DNAH3: variants seen among roughly 807,000 people sequenced by gnomAD.
The protein encoded by DNAH3 is dynein axonemal heavy chain 3.
Under a neutral mutation model 432.5 loss-of-function variants are expected in DNAH3, and 332 were observed. That is an observed-to-expected ratio of 0.77 (90% confidence interval 0.70 to 0.84). The LOEUF (loss-of-function observed/expected upper bound fraction) is 0.84, where lower values mean the gene tolerates loss of function less well. DNAH3 is among the 40% of genes least tolerant of loss of function. The pLI, the probability that DNAH3 is intolerant of heterozygous loss-of-function variation, is 0.00. For synonymous variants in DNAH3, 1,956 were observed against 1,900.2 expected, an observed-to-expected ratio of 1.03 and a Z score of -0.76; for missense variants, 4,861 against 5,114.0, an observed-to-expected ratio of 0.95 and a Z score of 1.51.
At chr16:21,029,385 T>C (rs1393295824) in intron 37 of DNAH3, among the ~76,000 whole-genome samples, 2 of 152,230 alleles carry the variant, frequency 1.3e-5, no homozygotes, top group Non-Finnish European at 2.9e-5. Context: ...AATTCTTCCT[T>C]GAGATGATGA....
intron 53 of DNAH3, among the ~76,000 whole-genome samples, chr16:20,960,071 G>T (rs981724606): frequency 6.6e-6 from 1 of 151,796 alleles, no homozygotes; most frequent in African/African-American, 2.4e-5. Context: ...AATCCTTCAA[G>T]AAATATTTTG....
Position 20,964,013 on chromosome 16 carries a change from G to A in DNAH3, c.9871C>T (p.Arg3291Trp), listed in dbSNP as rs772203216. Residue 3291 changes from arginine (R) to tryptophan (W), a missense_variant, in exon 53 of 62, where the codon CGG (arginine) becomes TGG (tryptophan). Transcript: ENST00000261383. The stretch of plus-strand genomic sequence containing the variant: ...ACAGCCACTGGCTTGTAGCCCATCC[G>A]AGTCTCGTCAATCTGCGTTTCTGTC... 5.6e-6 allele frequency: 9 copies of A among 1,614,004 alleles called. No homozygotes were observed. The Admixed American group carries it at 6.7e-5, about 12-fold the overall frequency.
chr16:21,010,987 C>T (rs1446223359), intron 41 of DNAH3, among the ~76,000 whole-genome samples: 7 of 150,786 alleles, frequency 4.6e-5, no homozygotes, highest in East Asian at 2.0e-4. Flanking sequence ...TTGCAGGACA[C>T]GATGAAAATC....
chr16:20,954,944 T>C, exon 55 of DNAH3: 3 of 1,614,172 alleles, frequency 1.9e-6, no homozygotes, highest in Admixed American at 1.7e-5. Context: ...GTCATTGAGG[T>C]AGGAGCGCAA....
chr16:21,033,962 T>C lies in DNAH3; in HGVS notation c.5197+12A>G. On this transcript the variant is annotated intron_variant, in intron 36 of 61. Transcript: ENST00000261383. ...TTCTGTCCTCCCTGGAAGCCAGGGA[T>C]GTGAGCTTTACCTGCGTGTAAATCG... The C allele has an allele frequency of 6.2e-7, 1 of 1,604,534 alleles. No homozygotes were observed. The highest frequency in any genetic ancestry group is 8.5e-7 in the Non-Finnish European group (1 of 1,171,864).
intron 16 of DNAH3, 142 bp downstream of exon 16, chr16:21,104,329 C>T (rs1418585432): frequency 1.3e-4 from 90 of 714,660 alleles, no homozygotes; most frequent in Non-Finnish European, 2.1e-4. Flanking sequence ...AAGGAAATGC[C>T]TTCTCCACCA....
intron 18 of DNAH3, among the ~76,000 whole-genome samples, chr16:21,094,799 T>C (rs2091632573): frequency 1.3e-5 from 2 of 152,002 alleles, no homozygotes; most frequent in Non-Finnish European, 2.9e-5. Flanking sequence ...TGGTGGGAGG[T>C]AACTGAATCA....
chr16:21,037,285 G>A (rs148566610), intron 34 of DNAH3, among the ~76,000 whole-genome samples: 1 of 151,998 alleles, frequency 6.6e-6, no homozygotes, highest in Non-Finnish European at 1.5e-5. Flanking sequence ...CTCTAGCCTG[G>A]GCGACAGAAC....
In DNAH3 at chr16:20,949,864, C is replaced by T. The variant is rs115471692; in HGVS notation, c.11189-1227G>A. On this transcript the variant is annotated intron_variant, in intron 56 of 61. Transcript: ENST00000261383. Reference sequence around the variant, plus strand: ...ACTCTCAAGCTGGCTGGTTTATGACCGGCAGGCAGTTGGTTTATGGCTTGC... The same window carrying T: ...ACTCTCAAGCTGGCTGGTTTATGACTGGCAGGCAGTTGGTTTATGGCTTGC... 2.8e-3 allele frequency among the ~76,000 whole-genome samples: 429 copies of T among 152,246 alleles called. 3 individuals carry two copies. The highest frequency in any genetic ancestry group is 9.6e-3 in the African/African-American group (399 of 41,546).
intron 16 of DNAH3, among the ~76,000 whole-genome samples, chr16:21,099,428 T>C (rs890497856): frequency 6.6e-6 from 1 of 152,224 alleles, no homozygotes; most frequent in Non-Finnish European, 1.5e-5. Flanking sequence ...GGAGGGCTAC[T>C]GTAGCTACAG....
At chr16:21,048,256 C>T (rs1055032591) in intron 31 of DNAH3, among the ~76,000 whole-genome samples, 5 of 152,216 alleles carry the variant, frequency 3.3e-5, no homozygotes, top group African/African-American at 7.2e-5. Context: ...TGGGCAATGG[C>T]GGGCGCCCCT....
chr16:21,066,079 G>A (rs1224106445), intron 24 of DNAH3, among the ~76,000 whole-genome samples: 1 of 151,966 alleles, frequency 6.6e-6, no homozygotes, highest in African/African-American at 2.4e-5. Context: ...CGCCCCCTCG[G>A]CCTCCCAAAG....
At chr16:20,941,694 G>T in intron 58 of DNAH3, 151 bp from the exon 59 acceptor site, 1 of 941,582 alleles carries the variant, frequency 1.1e-6, no homozygotes, top group Non-Finnish European at 1.6e-6. Flanking sequence ...TCTGCCTCCA[G>T]TGGGGAAAGG....
intron 55 of DNAH3, 47 bp downstream of exon 55, chr16:20,954,766 C>T (rs374994443): frequency 7.5e-5 from 119 of 1,597,084 alleles, no homozygotes; most frequent in Non-Finnish European, 7.1e-5. Flanking sequence ...CTATATGTGT[C>T]TGATATCCTT....
At chr16:21,063,251 C>T (rs879032299) in intron 24 of DNAH3, among the ~76,000 whole-genome samples, 3 of 152,076 alleles carry the variant, frequency 2.0e-5, no homozygotes, top group Admixed American at 2.0e-4. Context: ...TAGAATTGAT[C>T]TGGGAGTGCG....
intron 7 of DNAH3, among the ~76,000 whole-genome samples, chr16:21,130,303 CTTT>C (rs59707842): frequency 7.5e-6 from 1 of 133,420 alleles, no homozygotes. Context: ...AAGCCCTCCA[CTTT>C]TTTTTTTTTT....
intron 52 of DNAH3, among the ~76,000 whole-genome samples, chr16:20,966,586 C>T (rs1268614686): frequency 2.6e-5 from 4 of 152,278 alleles, no homozygotes; most frequent in East Asian, 1.9e-4. Flanking sequence ...TCCCTCAAAG[C>T]GGTAAACTTC....
At chr16:21,080,767 C>A (rs893749318) in intron 20 of DNAH3, among the ~76,000 whole-genome samples, 16 of 151,572 alleles carry the variant, frequency 1.1e-4, no homozygotes, top group Middle Eastern at 3.4e-3. Flanking sequence ...TGCAACATCT[C>A]CCCACCCATC....
chr16:21,101,361 T>C (rs1283701316), intron 16 of DNAH3, among the ~76,000 whole-genome samples: 1 of 152,076 alleles, frequency 6.6e-6, no homozygotes, highest in Non-Finnish European at 1.5e-5. Context: ...GCTGTGTGTA[T>C]GTGTGTGTGT....
Sources: gnomAD v4.1 joint callset for allele counts (sites outside exome capture counted in the v4.1 genomes callset) on GRCh38, gnomAD v4.1.1 for gene constraint, MANE v1.5 for transcripts, NCBI Gene and HGNC (gene_info 2026-07-23, HGNC 2026-07-21) for gene names.